Variants in KLHL6 observed in about 807,000 individuals in gnomAD.
KLHL6 encodes kelch-like protein 6.
KLHL6 carries 41 observed loss-of-function variants against 58.6 expected under a neutral mutation model. The observed-to-expected ratio is 0.70, with a 90% CI of 0.55 to 0.91. The LOEUF (loss-of-function observed/expected upper bound fraction) is 0.91. Ranked by LOEUF, KLHL6 falls within the 40% of genes least tolerant of loss-of-function variation. KLHL6 has a pLI of 0.00. For synonymous variants in KLHL6, 338 were observed against 322.7 expected (o/e 1.05, Z -0.51); for missense variants, 714 against 805.6 (o/e 0.89, Z 1.38).
intron 1 of KLHL6, among the ~76,000 whole-genome samples, chr3:183,540,409 C>T (rs1360696359): frequency 6.6e-6 from 1 of 152,166 alleles, no homozygotes; most frequent in Non-Finnish European, 1.5e-5. Context: ...TTACCCCAGA[C>T]TTTTTTTAAT....
intron 2 of KLHL6, among the ~76,000 whole-genome samples, chr3:183,513,794 C>T (rs1262230409): frequency 6.6e-6 from 1 of 152,052 alleles, no homozygotes; most frequent in East Asian, 1.9e-4. Context: ...CCATGGTTTG[C>T]TGCACCTATC....
At chr3:183,512,661 T>C (rs1020323988) in intron 2 of KLHL6, among the ~76,000 whole-genome samples, 2 of 152,118 alleles carry the variant, frequency 1.3e-5, no homozygotes, top group African/African-American at 2.4e-5. Flanking sequence ...CCAGCTAATT[T>C]TGTATTTTTA....
At chr3:183,496,982 A>C (rs1444736571) in intron 4 of KLHL6, among the ~76,000 whole-genome samples, 1 of 152,132 alleles carries the variant, frequency 6.6e-6, no homozygotes, top group African/African-American at 2.4e-5. Context: ...TACTTAAAAT[A>C]CAAAAAAAAA....
chr3:183,499,127 T>C lies in KLHL6; in HGVS notation c.1147+463A>G, dbSNP rs12053985. 0.027 allele frequency among the ~76,000 whole-genome samples: 4,054 copies of C among 152,122 alleles called. 203 individuals carry two copies. Among genetic ancestry groups the C allele is most frequent in the East Asian group, 0.21 (1,102 of 5,160 alleles). Reference sequence around the variant, plus strand: ...GAGGCCGAAGCTGGTGCATCACCTATGGTCAGGAGTTCAAGACCAGCCTGG... The same window carrying C: ...GAGGCCGAAGCTGGTGCATCACCTACGGTCAGGAGTTCAAGACCAGCCTGG... On this transcript the variant is annotated intron_variant, in intron 4 of 6. Transcript: ENST00000341319. This position sits in a 1 kb window ranked among gnomAD's most constrained non-coding sequence, Gnocchi z 4.6.
chr3:183,537,341 C>G (rs1161513666), intron 1 of KLHL6, among the ~76,000 whole-genome samples: 1 of 152,160 alleles, frequency 6.6e-6, no homozygotes, highest in Non-Finnish European at 1.5e-5. Flanking sequence ...TGTCAGCGCT[C>G]AATGGACCAG....
chr3:183,496,452 T>A (rs559435599), intron 4 of KLHL6, among the ~76,000 whole-genome samples: 9 of 152,348 alleles, frequency 5.9e-5, no homozygotes, highest in African/African-American at 2.2e-4. Flanking sequence ...AAATTCTTAA[T>A]TCACATATGA....
chr3:183,552,587 A>G (rs371111299), intron 1 of KLHL6, among the ~76,000 whole-genome samples: 1,990 of 152,048 alleles, frequency 0.013, 37 homozygotes, highest in African/African-American at 0.045. Flanking sequence ...GCGTGGTGGC[A>G]GGTGCCTGTA....
In KLHL6 at chr3:183,555,686, G is replaced by T. The variant is rs761063668; in HGVS notation, c.-33C>A. On this transcript the variant is annotated 5_prime_UTR_variant, in exon 1 of 7. Transcript: ENST00000341319. ...GAAGGAGCGCCCAAGTGTCAGGCAGGCCCCATTGCAGGAGCTGAGCGGATT... is the reference window on the plus strand; with the variant it reads ...GAAGGAGCGCCCAAGTGTCAGGCAGTCCCCATTGCAGGAGCTGAGCGGATT... The T allele has an allele frequency of 1.3e-6, 2 of 1,541,220 alleles. No individual in the cohort carries two copies. Among genetic ancestry groups the T allele is most frequent in the Non-Finnish European group, 1.7e-6 (2 of 1,148,392 alleles).
chr3:183,521,596 C>G (rs1711761663), intron 2 of KLHL6: 1 of 152,274 alleles, frequency 6.6e-6, no homozygotes, highest in South Asian at 2.1e-4. Context: ...CAAATCCAGG[C>G]TCCCCTCTTA....
At position 183,531,441 on chromosome 3, in the gene KLHL6, G is replaced by GTATTTTTTT. The variant is rs1367673441; in HGVS notation, c.294-3432_294-3431insAAAAAAATA. On this transcript the variant is annotated intron_variant, in intron 1 of 6. Coordinates refer to ENST00000341319, the MANE Select transcript of KLHL6 (RefSeq NM_130446.4). ...CCTTCTTTCTGTTCTTTTTTTGTCT[G>GTATTTTTTT]TGTTTTTTTTTTTTTTTTTTTTTTT... Among the ~76,000 whole-genome samples, 10 of 102,098 alleles carry GTATTTTTTT rather than the reference G, an allele frequency of 9.8e-5. 1 individual carries two copies. The highest frequency in any genetic ancestry group is 1.9e-4 in the Admixed American group (2 of 10,566). 67.0% of individuals were successfully genotyped at this position (102,098 alleles called of 152,430 possible).
At chr3:183,534,943 TATA>T (rs1712311021) in intron 1 of KLHL6, among the ~76,000 whole-genome samples, 1 of 115,876 alleles carries the variant, frequency 8.6e-6, no homozygotes. Flanking sequence ...CATATATATA[TATA>T]TATATTTTTT....
intron 2 of KLHL6, among the ~76,000 whole-genome samples, chr3:183,512,034 T>C (rs114760769): frequency 0.013 from 1,981 of 152,306 alleles, 32 homozygotes; most frequent in African/African-American, 0.046. Flanking sequence ...GAAACAGTTG[T>C]GAACAAGGCT....
At chr3:183,537,544 A>T (rs1712405137) in intron 1 of KLHL6, among the ~76,000 whole-genome samples, 1 of 152,226 alleles carries the variant, frequency 6.6e-6, no homozygotes, top group African/African-American at 2.4e-5. Flanking sequence ...GCAGCATACC[A>T]GTTGCCCAAC....
chr3:183,542,883 GAT>G (rs1241319769), intron 1 of KLHL6, among the ~76,000 whole-genome samples: 3,131 of 151,846 alleles, frequency 0.021, 109 homozygotes, highest in African/African-American at 0.073. Context: ...TGGATGGATG[GAT>G]GGATGGATGG....
chr3:183,534,132 G>GTACTT (rs748791340), intron 1 of KLHL6, among the ~76,000 whole-genome samples: 2,623 of 14,746 alleles, frequency 0.18, 37 homozygotes, highest in East Asian at 0.24. Context: ...AAAGTACTTT[G>GTACTT]TACTTTTAAA....
chr3:183,491,903 G>T lies in KLHL6; in HGVS notation c.*24C>A, dbSNP rs914803279. The T allele has an allele frequency of 8.9e-6, 13 of 1,456,552 alleles. No homozygotes were observed. Among genetic ancestry groups the T allele is most frequent in the Admixed American group, 2.6e-5 (1 of 38,870 alleles). 90.2% of individuals were successfully genotyped at this position (1,456,552 alleles called of 1,614,324 possible). ...GGCGGGTACGCTGAGGGTCGGGGGG[G>T]CTCTCCAGCTCCCCATCCTGCCGTC... On this transcript the variant is annotated 3_prime_UTR_variant, in exon 7 of 7. Coordinates refer to ENST00000341319, the MANE Select transcript of KLHL6 (RefSeq NM_130446.4).
In KLHL6 at chr3:183,512,536, G is replaced by T. The variant is rs199946831; in HGVS notation, c.460-4028C>A. Among the ~76,000 whole-genome samples the T allele has an allele frequency of 1.8e-4, 27 of 151,576 alleles. No homozygotes were observed. In the East Asian group the frequency reaches 4.6e-3, roughly 26 times the overall value. The stretch of plus-strand genomic sequence containing the variant: ...GACAGAGTTTTGCTTTTGTTGCCCA[G>T]GCTGGAGTGCAATGGCATGATCTTG... On this transcript the variant is annotated intron_variant, in intron 2 of 6. Coordinates refer to ENST00000341319, the MANE Select transcript of KLHL6 (RefSeq NM_130446.4).
rs1163550168 is a variant in KLHL6 at position 183,499,294 on chromosome 3, C to T, written c.1147+296G>A. Reference sequence around the variant, plus strand: ...TCGGGAGGCGGAGGTTGCAGCTAGCCAAGATTGCGCCACTGCACTCCAGCC... The same window carrying T: ...TCGGGAGGCGGAGGTTGCAGCTAGCTAAGATTGCGCCACTGCACTCCAGCC... On this transcript the variant is annotated intron_variant, in intron 4 of 6. Transcript: ENST00000341319. This position sits in a 1 kb window ranked among gnomAD's most constrained non-coding sequence, Gnocchi z 4.6. Among the ~76,000 whole-genome samples, 2 of 151,018 alleles carry T rather than the reference C, an allele frequency of 1.3e-5. No homozygotes were observed. The highest frequency in any genetic ancestry group is 4.9e-5 in the African/African-American group (2 of 41,104).
chr3:183,531,326 A>G (rs563236496), intron 1 of KLHL6, among the ~76,000 whole-genome samples: 42 of 152,180 alleles, frequency 2.8e-4, no homozygotes, highest in Admixed American at 7.2e-4. Flanking sequence ...AGGGAAGACA[A>G]TCAAACCAAA....
Sources: gnomAD v4.1 joint callset for allele counts (sites outside exome capture counted in the v4.1 genomes callset) on GRCh38, gnomAD v4.1.1 for gene constraint, Gnocchi (gnomAD v3.1) non-coding constraint, MANE v1.5 for transcripts, NCBI Gene and HGNC (gene_info 2026-07-23, HGNC 2026-07-21) for gene names.